Variants in OPCML observed in about 807,000 individuals in gnomAD.
OPCML encodes the protein opioid-binding protein/cell adhesion molecule.
Under a neutral mutation model 37.8 loss-of-function variants are expected in OPCML, and 13 were observed. The ratio of observed to expected loss-of-function variants is 0.34; its 90% CI spans 0.22 to 0.55. OPCML has a LOEUF of 0.55. OPCML is among the 20% of genes least tolerant of loss of function. The pLI is 0.91. For missense variants in OPCML, 341 were observed against 435.6 expected (o/e 0.78, Z 1.93); for synonymous variants, 176 against 168.8 (o/e 1.04, Z -0.33).
intron 3 of OPCML, among the ~76,000 whole-genome samples, chr11:132,568,274 T>A (rs932520298): frequency 6.6e-6 from 1 of 152,164 alleles, no homozygotes; most frequent in African/African-American, 2.4e-5. Context: ...ACTGTCATGT[T>A]ATTAATAGAA....
intron 1 of OPCML, among the ~76,000 whole-genome samples, chr11:133,149,029 G>A (rs896564343): frequency 3.3e-4 from 50 of 152,222 alleles, no homozygotes; most frequent in African/African-American, 9.6e-4. Context: ...ACTGCCAGCC[G>A]TTCTTCCCCT....
At chr11:133,375,226 C>T (rs563848573) in intron 1 of OPCML, among the ~76,000 whole-genome samples, 2 of 152,178 alleles carry the variant, frequency 1.3e-5, no homozygotes, top group African/African-American at 2.4e-5. Flanking sequence ...CAACACTTAG[C>T]GAGCACGCAT....
rs539503461 is a variant in OPCML, at chr11:132,830,270, A to G, written c.146+112656T>C. 1.2e-3 allele frequency among the ~76,000 whole-genome samples: 187 copies of G among 152,274 alleles called. 1 individual carries two copies. Among genetic ancestry groups the G allele is most frequent in the African/African-American group, 4.3e-3 (179 of 41,552 alleles). On this transcript the variant is annotated intron_variant, in intron 2 of 7. Coordinates refer to ENST00000524381, the MANE Select transcript of OPCML (RefSeq NM_001012393.5). Reference sequence around the variant, plus strand: ...TAGAGATCAAAGTTAAACCATGCCAACTTCTCTGAGCTTTTTGATTTCCCC... The same window carrying G: ...TAGAGATCAAAGTTAAACCATGCCAGCTTCTCTGAGCTTTTTGATTTCCCC...
chr11:133,325,083 A>C (rs771663898), intron 1 of OPCML, among the ~76,000 whole-genome samples: 14 of 152,162 alleles, frequency 9.2e-5, no homozygotes, highest in East Asian at 1.9e-4. Flanking sequence ...GGGGAGACGA[A>C]GGTCTTGGCC....
At chr11:133,176,801 A>T (rs1937607624) in intron 1 of OPCML, among the ~76,000 whole-genome samples, 1 of 152,224 alleles carries the variant, frequency 6.6e-6, no homozygotes, top group African/African-American at 2.4e-5. Context: ...CAATGCAAGA[A>T]CTGCCTAACG....
chr11:132,646,294 G>C (rs1333724731), intron 3 of OPCML, among the ~76,000 whole-genome samples: 1 of 152,052 alleles, frequency 6.6e-6, no homozygotes, highest in Admixed American at 6.6e-5. Flanking sequence ...AATTTAAAAA[G>C]AAAGAAACAT....
At chr11:133,334,436 C>A (rs1943697153) in intron 1 of OPCML, among the ~76,000 whole-genome samples, 1 of 151,868 alleles carries the variant, frequency 6.6e-6, no homozygotes, top group African/African-American at 2.4e-5. Flanking sequence ...ATAGTGAGAG[C>A]TAAATGATGA....
chr11:132,896,398 A>G (rs769095273), intron 2 of OPCML, among the ~76,000 whole-genome samples: 1 of 152,204 alleles, frequency 6.6e-6, no homozygotes, highest in Non-Finnish European at 1.5e-5. Flanking sequence ...TTCAGTTGGA[A>G]AACTTAAATG....
At chr11:133,412,958 T>G (rs898858634) in intron 1 of OPCML, among the ~76,000 whole-genome samples, 18 of 152,118 alleles carry the variant, frequency 1.2e-4, no homozygotes, top group African/African-American at 4.1e-4. Context: ...AATCCACAAG[T>G]CTTCTTTGGG....
At chr11:132,706,486 T>C (rs76350124) in intron 2 of OPCML, among the ~76,000 whole-genome samples, 2,428 of 152,300 alleles carry the variant, frequency 0.016, 30 homozygotes, top group South Asian at 0.052. Flanking sequence ...TGCTACTTCC[T>C]TGCCTTCTTC....
intron 3 of OPCML, among the ~76,000 whole-genome samples, chr11:132,608,619 T>C (rs563600786): frequency 6.6e-6 from 1 of 152,270 alleles, no homozygotes; most frequent in South Asian, 2.1e-4. Context: ...AAAAAATGAT[T>C]ATGTCGCTCT....
chr11:133,062,652 C>A (rs117048237), intron 1 of OPCML, among the ~76,000 whole-genome samples: 2 of 152,174 alleles, frequency 1.3e-5, no homozygotes, highest in Non-Finnish European at 2.9e-5. Context: ...AGATTTAATG[C>A]GTCACCGCAC....
intron 2 of OPCML, among the ~76,000 whole-genome samples, chr11:132,836,169 T>C (rs1940989355): frequency 6.6e-6 from 1 of 152,168 alleles, no homozygotes; most frequent in Non-Finnish European, 1.5e-5. Context: ...TCTGAAAAGC[T>C]TACAGGATTA....
At chr11:133,372,897 T>C (rs1446583336) in intron 1 of OPCML, among the ~76,000 whole-genome samples, 1 of 152,236 alleles carries the variant, frequency 6.6e-6, no homozygotes, top group Non-Finnish European at 1.5e-5. Flanking sequence ...AAGTTATACA[T>C]TAGTTGTTAC....
At chr11:133,367,401 G>A (rs1038114520) in intron 1 of OPCML, among the ~76,000 whole-genome samples, 4 of 152,182 alleles carry the variant, frequency 2.6e-5, no homozygotes, top group African/African-American at 9.7e-5. Flanking sequence ...GGCAGAAATG[G>A]TTCTTCAATG....
intron 1 of OPCML, among the ~76,000 whole-genome samples, chr11:133,517,311 A>AT (rs1948301570): frequency 6.6e-6 from 1 of 152,264 alleles, no homozygotes. Context: ...TATATACATC[A>AT]TTTATACATG....
chr11:132,480,048 G>C (rs2096173793), intron 4 of OPCML, among the ~76,000 whole-genome samples: 1 of 152,154 alleles, frequency 6.6e-6, no homozygotes, highest in Admixed American at 6.5e-5. Flanking sequence ...AGAGAAGAAG[G>C]CTTCAGACGA....
intron 2 of OPCML, among the ~76,000 whole-genome samples, chr11:132,809,911 G>A (rs1007468202): frequency 6.6e-5 from 10 of 152,142 alleles, no homozygotes; most frequent in African/African-American, 1.7e-4. Flanking sequence ...GTGCAGTGGC[G>A]CGATCTCGGC....
Position 132,949,125 on chromosome 11 carries a change from A to G in OPCML, c.62-6115T>C, listed in dbSNP as rs188033539. Among the ~76,000 whole-genome samples, 303 of 152,352 alleles carry G rather than the reference A, an allele frequency of 2.0e-3. 3 individuals are homozygous for G. Among genetic ancestry groups the G allele is most frequent in the Non-Finnish European group, 2.4e-3 (164 of 68,026 alleles). On this transcript the variant is annotated intron_variant, in intron 1 of 7. Transcript: ENST00000524381. ...AGGTCAGTATTCAGGTGACTCTAGC[A>G]ACTTGAAACTGACAGGTAGTATCTG...
Sources: allele counts gnomAD v4.1 joint callset (sites outside exome capture counted in the v4.1 genomes callset), GRCh38; gene constraint gnomAD v4.1.1; transcripts MANE v1.5; gene names NCBI Gene and HGNC (gene_info 2026-07-23, HGNC 2026-07-21).